CLSPN: variants seen among roughly 807,000 people sequenced by gnomAD.
The protein encoded by CLSPN is claspin.
CLSPN carries 85 observed loss-of-function variants against 156.3 expected under a neutral mutation model. The observed-to-expected ratio is 0.54, with a 90% CI of 0.46 to 0.65. The LOEUF is 0.65. Ranked by LOEUF, CLSPN falls within the 30% of genes least tolerant of loss-of-function variation. The pLI is 0.00. For synonymous variants in CLSPN, 534 were observed against 542.4 expected (o/e 0.98, Z 0.22); for missense variants, 1,407 against 1,554.9 (o/e 0.90, Z 1.60).
chr1:35,758,334 G>A (rs1642353850), intron 8 of CLSPN, among the ~76,000 whole-genome samples: 2 of 151,966 alleles, frequency 1.3e-5, no homozygotes, highest in South Asian at 2.1e-4. Flanking sequence ...ATAAGCCACT[G>A]ACTATGCTTG....
intron 24 of CLSPN, among the ~76,000 whole-genome samples, chr1:35,724,171 T>C (rs1182266187): frequency 6.6e-6 from 1 of 152,162 alleles, no homozygotes; most frequent in Non-Finnish European, 1.5e-5. Context: ...ACTCCCAACC[T>C]TAAGTGATCC....
chr1:35,747,194 C>T (rs570039112), intron 14 of CLSPN, among the ~76,000 whole-genome samples: 7 of 152,128 alleles, frequency 4.6e-5, no homozygotes, highest in African/African-American at 1.4e-4. Flanking sequence ...TGGTGGTGGG[C>T]GCCTGTAGTC....
chr1:35,743,400 G>C, intron 17 of CLSPN, 55 bp downstream of exon 17: 2 of 1,485,710 alleles, frequency 1.3e-6, no homozygotes, highest in Non-Finnish European at 1.9e-6. Flanking sequence ...AAAAACACTT[G>C]AGGGCAGCAA....
exon 25 of CLSPN, chr1:35,720,304 C>T (rs1641042110): frequency 6.6e-6 from 1 of 152,124 alleles, no homozygotes; most frequent in Non-Finnish European, 1.5e-5. Flanking sequence ...TCAAACTTTG[C>T]ACACTCCTCC....
At chr1:35,749,561 T>C (rs748310715) in intron 11 of CLSPN, 30 bp from the exon 12 acceptor site, 23 of 1,613,970 alleles carry the variant, frequency 1.4e-5, no homozygotes, top group Non-Finnish European at 1.9e-5. Flanking sequence ...ATTGGTTCAG[T>C]ATCTGTTCCT....
rs757227764 is a variant in CLSPN, at chr1:35,760,788, T to C, written c.1133A>G (p.Asn378Ser). 6.2e-6 allele frequency: 10 copies of C among 1,613,588 alleles called. No homozygotes were observed. In the Admixed American group the frequency reaches 1.3e-4, roughly 22 times the overall value. Residue 378 changes from asparagine (N) to serine (S), a missense_variant, in exon 8 of 25, where the codon AAT (asparagine) becomes AGT (serine). By Grantham distance (46) the Asn-to-Ser change is conservative (BLOSUM62 1). Transcript: ENST00000318121. The part of the protein sequence containing the change: ...TTGAENEVET[N>S]ALPVVSKETQ... The stretch of plus-strand genomic sequence containing the variant: ...TTCCTTTGAAACTACAGGGAGTGCA[T>C]TAGTTTCCACTTCATTTTCTGCACC...
At chr1:35,753,962 TCA>T (rs748933436) in intron 8 of CLSPN, 26 bp from the exon 9 acceptor site, 3 of 1,608,544 alleles carry the variant, frequency 1.9e-6, no homozygotes, top group Non-Finnish European at 1.7e-6. Context: ...AACCAGTGTG[TCA>T]GTTTGCCATG....
At position 35,748,522 on chromosome 1, in the gene CLSPN, G is replaced by C. The variant is rs769337106; in HGVS notation, c.2355C>G (p.Ser785=). The C allele has an allele frequency of 6.2e-7, 1 of 1,614,152 alleles. No individual in the cohort carries two copies. Among genetic ancestry groups the C allele is most frequent in the Non-Finnish European group, 8.5e-7 (1 of 1,180,010 alleles). The change falls in exon 13 of 25, where the codon TCC becomes TCG. Residue 785 remains serine, a synonymous_variant. Transcript: ENST00000318121. ...CTGTTTGTCTGTTGCAAGGCTGATA[G>C]GATGGAATCGTGGAGCCAATCAGCT... ...SFELIGSTIP[S]YQPCNRQTGR...
At chr1:35,747,041 G>T (rs751089745) in intron 14 of CLSPN, 49 bp from the exon 15 acceptor site, 107 of 1,435,114 alleles carry the variant, frequency 7.5e-5, no homozygotes, top group Middle Eastern at 3.5e-4. Context: ...CCTCAGAGAG[G>T]GCCGGGTGCG....
intron 1 of CLSPN, among the ~76,000 whole-genome samples, chr1:35,765,623 C>T (rs945850081): frequency 6.6e-6 from 1 of 151,964 alleles, no homozygotes; most frequent in Non-Finnish European, 1.5e-5. Flanking sequence ...TATATCCATA[C>T]AATTGATGAG....
intron 8 of CLSPN, among the ~76,000 whole-genome samples, chr1:35,755,087 C>T (rs146046818): frequency 7.7e-4 from 117 of 152,146 alleles, no homozygotes; most frequent in Non-Finnish European, 1.5e-3. Context: ...GCGGCCTTCT[C>T]GTCCATGATA....
rs1557525368 is a variant in CLSPN at position 35,764,604 on chromosome 1, C to T, written c.244G>A (p.Asp82Asn). Residue 82 changes from aspartate (D) to asparagine (N), a missense_variant, in exon 3 of 25, where the codon GAC (aspartate) becomes AAC (asparagine). By Grantham distance (23) the Asp-to-Asn change is conservative. Around this residue, in one of 3 missense-constraint regions of CLSPN, gnomAD observed 1,096 missense variants for 1,193.0 expected, o/e 0.92. Transcript: ENST00000318121. Reference sequence around the variant, plus strand: ...TCTTTATTTTCCTCCTCGGCACTGTCATAGGTAGTTTTCTCTGGAGAGGCA... The same window carrying T: ...TCTTTATTTTCCTCCTCGGCACTGTTATAGGTAGTTTTCTCTGGAGAGGCA... The part of the protein sequence containing the change: ...TNASPEKTTY[D>N]SAEEENKENL... 6.2e-7 allele frequency: 1 copy of T among 1,613,810 alleles called. No homozygotes were observed. Among genetic ancestry groups the T allele is most frequent in the Admixed American group, 1.7e-5 (1 of 60,000 alleles).
chr1:35,752,503 A>G (rs919274714), intron 9 of CLSPN, among the ~76,000 whole-genome samples: 2 of 147,762 alleles, frequency 1.4e-5, no homozygotes, highest in African/African-American at 5.0e-5. Context: ...ACTTGAACCC[A>G]GGAGGTAGAG....
chr1:35,748,820 CTTT>C (rs201350754), intron 12 of CLSPN: 4,340 of 286,546 alleles, frequency 0.015, no homozygotes, highest in Middle Eastern at 0.033. Context: ...CTTGAAAGTT[CTTT>C]TTTTTTTTTT....
Position 35,737,065 on chromosome 1 carries a change from C to G in CLSPN, c.3758G>C (p.Gly1253Ala), listed in dbSNP as rs1449568620. The G allele has an allele frequency of 6.2e-7, 1 of 1,612,794 alleles. No homozygotes were observed. The highest frequency in any genetic ancestry group is 2.2e-5 in the East Asian group (1 of 44,898). Residue 1253 changes from glycine (G) to alanine (A), a missense_variant, in exon 24 of 25, where the codon GGC (glycine) becomes GCC (alanine). By Grantham distance (60) the Gly-to-Ala change is moderately conservative. Transcript: ENST00000318121. ...AGCTTTGGGCTGGTTTAGCAGTGAG[C>G]CTGTCTTCACCTGAGGAAAGAAGAG... Reference protein sequence around the residue: ...RPGSAQQVKTGSLLNQPKAVL... With the variant: ...RPGSAQQVKTASLLNQPKAVL...
At position 35,736,548 on chromosome 1, in the gene CLSPN, T is replaced by G; in HGVS notation, c.3968A>C (p.Asp1323Ala). 6.2e-7 allele frequency: 1 copy of G among 1,612,308 alleles called. No individual in the cohort carries two copies. Among genetic ancestry groups the G allele is most frequent in the Non-Finnish European group, 8.5e-7 (1 of 1,179,314 alleles). Residue 1323 changes from aspartate to alanine, a missense_variant, in exon 25 of 25, where the codon GAT becomes GCT. Coordinates refer to ENST00000318121, the MANE Select transcript of CLSPN (RefSeq NM_022111.4). ...TSPSPKHLKT[D>A]DSTSGLTRSI... The stretch of plus-strand genomic sequence containing the variant: ...TCGCGTCAATCCTGAAGTGCTATCA[T>G]CTGTTTTGAGGTGCTTAGGTGAAGG...
At position 35,749,696 on chromosome 1, in the gene CLSPN, A is replaced by ACT; in HGVS notation, c.2143_2144insAG (p.Val715GlufsTer53). The ACT allele has an allele frequency of 6.2e-7, 1 of 1,614,196 alleles. No individual in the cohort carries two copies. The highest frequency in any genetic ancestry group is 8.5e-7 in the Non-Finnish European group (1 of 1,180,028). ...AGAATCTGATGAGAGAGACTTGGGA[A>ACT]CAGAGAGGAAGCCAACTGCCTTGCC... On this transcript the variant is annotated frameshift_variant, in exon 11 of 25. Coordinates refer to ENST00000318121, the MANE Select transcript of CLSPN (RefSeq NM_022111.4). LOFTEE classifies it high-confidence loss of function.
At chr1:35,743,428 T>C (rs1050954360) in intron 17 of CLSPN, 27 bp downstream of exon 17, 8 of 1,584,094 alleles carry the variant, frequency 5.1e-6, no homozygotes, top group South Asian at 1.1e-5. Context: ...AGCTCAGTTA[T>C]GATTACTTTG....
intron 10 of CLSPN, 123 bp downstream of exon 10, chr1:35,751,127 C>T: frequency 3.3e-6 from 4 of 1,200,118 alleles, no homozygotes; most frequent in Non-Finnish European, 3.5e-6. Flanking sequence ...GAGGTAGTTA[C>T]CCTCATCATG....
Sources: allele counts gnomAD v4.1 joint callset (sites outside exome capture counted in the v4.1 genomes callset), GRCh38; gene constraint gnomAD v4.1.1; regional missense constraint gnomAD v4.1.1; transcripts MANE v1.5; gene names NCBI Gene and HGNC (gene_info 2026-07-23, HGNC 2026-07-21).